The following NRG4 variants were observed in gnomAD, a reference collection of about 807,000 sequenced individuals.
NRG4 encodes pro-neuregulin-4, membrane-bound isoform.
In NRG4, 10 loss-of-function variants were observed where a neutral mutation model predicts 15.0. That is an observed-to-expected ratio of 0.67 (90% CI 0.41 to 1.13). The LOEUF is 1.13. Among genes scored for constraint, NRG4 ranks in the 50% most tolerant of loss-of-function variants. NRG4 has a pLI of 0.00. For synonymous variants in NRG4, 41 were observed against 50.1 expected, an observed-to-expected ratio of 0.82 and a Z score of 0.77; for missense variants, 139 against 140.2, an observed-to-expected ratio of 0.99 and a Z score of 0.04.
At chr15:76,016,889 A>G (rs531992623), upstream of NRG4, among the ~76,000 whole-genome samples, 107 of 151,710 alleles carry the variant, frequency 7.1e-4, no homozygotes, top group South Asian at 1.3e-3. Context: ...AATATCCTTA[A>G]TTTTCTTTCT....
At chr15:76,055,826 A>T (rs2036138386) in intron 2 of NRG4, among the ~76,000 whole-genome samples, 1 of 152,216 alleles carries the variant, frequency 6.6e-6, no homozygotes, top group Non-Finnish European at 1.5e-5. Context: ...ACTGGAAATA[A>T]AAAACAGACT....
At chr15:76,057,962 A>T (rs1452518912) in intron 1 of NRG4, among the ~76,000 whole-genome samples, 1 of 151,988 alleles carries the variant, frequency 6.6e-6, no homozygotes, top group Non-Finnish European at 1.5e-5. Context: ...TCCTGGTAGA[A>T]ATTTGAAGTG....
chr15:75,972,432 G>A (rs185191571), intron 3 of NRG4, among the ~76,000 whole-genome samples: 1 of 152,246 alleles, frequency 6.6e-6, no homozygotes, highest in Admixed American at 6.5e-5. Context: ...TTTTAGTCAC[G>A]AAGTCTTTGC....
chr15:76,042,656 G>C (rs2035772376), intron 4 of NRG4, among the ~76,000 whole-genome samples: 1 of 151,990 alleles, frequency 6.6e-6, no homozygotes, highest in Non-Finnish European at 1.5e-5. Context: ...TAAGATAGAA[G>C]CCATATTAAG....
chr15:75,969,959 T>C (rs2033016420), intron 3 of NRG4, among the ~76,000 whole-genome samples: 1 of 152,220 alleles, frequency 6.6e-6, no homozygotes, highest in Non-Finnish European at 1.5e-5. Flanking sequence ...GCATATGGTA[T>C]GGTGCCAAAA....
rs1161110080 is a variant in NRG4, at chr15:76,012,379, A to G, written c.-117T>C. 6.6e-6 allele frequency: 1 copy of G among 152,248 alleles called. No homozygotes were observed. The highest frequency in any genetic ancestry group is 1.5e-5 in the Non-Finnish European group (1 of 68,048). 9.4% of individuals were successfully genotyped at this position (152,248 alleles called of 1,614,324 possible). A position where few individuals can be genotyped will look rare whatever the true frequency, so the allele number is the denominator to read the frequency against. On this transcript the variant is annotated 5_prime_UTR_variant, in exon 1 of 6. Coordinates refer to ENST00000394907, the MANE Select transcript of NRG4 (RefSeq NM_138573.4). ...TGTTTCAAAAGTTTTTGAATACCGC[A>G]GACAACAGCAGCTGTGACTTGCATT...
At chr15:75,950,455 C>A in intron 5 of NRG4, 1 of 228,806 alleles carries the variant, frequency 4.4e-6, no homozygotes. Context: ...CAGATGGGGA[C>A]AGTCCCTCTG....
At chr15:75,946,281 C>T (rs2031498594) in intron 5 of NRG4, among the ~76,000 whole-genome samples, 1 of 152,198 alleles carries the variant, frequency 6.6e-6, no homozygotes, top group Non-Finnish European at 1.5e-5. Flanking sequence ...AAAGCTAAAC[C>T]ACCAATGAAG....
At chr15:76,034,986 C>G (rs2035565943) in intron 5 of NRG4, among the ~76,000 whole-genome samples, 1 of 152,208 alleles carries the variant, frequency 6.6e-6, no homozygotes, top group Non-Finnish European at 1.5e-5. Context: ...TTATAGCCTC[C>G]ATTTCCACAG....
intron 4 of NRG4, among the ~76,000 whole-genome samples, chr15:75,960,895 AATG>A (rs1284333212): frequency 7.2e-5 from 11 of 152,208 alleles, no homozygotes; most frequent in Non-Finnish European, 1.3e-4. Context: ...GGATTGCTTA[AATG>A]ATATGTTTTG....
chr15:76,050,724 G>A (rs1481784297), intron 4 of NRG4, among the ~76,000 whole-genome samples: 3 of 146,670 alleles, frequency 2.0e-5, no homozygotes, highest in Non-Finnish European at 4.5e-5. Context: ...GATTACAGGC[G>A]TAAGCCACCG....
At chr15:76,036,161 A>G (rs935030039) in intron 4 of NRG4, among the ~76,000 whole-genome samples, 1 of 152,198 alleles carries the variant, frequency 6.6e-6, no homozygotes, top group African/African-American at 2.4e-5. Context: ...TCTAAGACAA[A>G]AAGACTGAGT....
intron 5 of NRG4, among the ~76,000 whole-genome samples, chr15:75,953,614 T>C (rs2032042402): frequency 6.6e-6 from 1 of 152,260 alleles, no homozygotes; most frequent in East Asian, 1.9e-4. Flanking sequence ...AAATGCCTGC[T>C]GAAATCCTTA....
intron 4 of NRG4, chr15:75,959,062 G>C (rs1420124866): frequency 9.3e-6 from 3 of 323,718 alleles, no homozygotes; most frequent in African/African-American, 2.2e-5. Flanking sequence ...CTTAACTGCA[G>C]CCTCTCATTC....
chr15:75,961,911 T>G lies in NRG4; in HGVS notation c.168A>C (p.Gln56His), dbSNP rs759905568. 1.1e-5 allele frequency: 18 copies of G among 1,613,584 alleles called. No individual in the cohort carries two copies. Among genetic ancestry groups the G allele is most frequent in the Non-Finnish European group, 1.3e-5 (15 of 1,179,644 alleles). The change falls in exon 4 of 6, where the codon CAA (glutamine) becomes CAC (histidine). Residue 56 changes from glutamine (Q) to histidine (H), a missense_variant. By Grantham distance (24) the Gln-to-His change is conservative (BLOSUM62 0). Transcript: ENST00000394907. Reference protein sequence around the residue: ...EEVFLPGSSIQTKSNLFEAFV... With the variant: ...EEVFLPGSSIHTKSNLFEAFV... Reference sequence around the variant, plus strand: ...AAGCTTCAAACAGGTTACTTTTAGTTTGGATGCTGGAGCCTGGGAGAAAAA... The same window carrying G: ...AAGCTTCAAACAGGTTACTTTTAGTGTGGATGCTGGAGCCTGGGAGAAAAA...
At chr15:76,057,409 G>A (rs2036178851) in intron 1 of NRG4, among the ~76,000 whole-genome samples, 1 of 152,140 alleles carries the variant, frequency 6.6e-6, no homozygotes, top group Non-Finnish European at 1.5e-5. Context: ...AAGTGAAAGT[G>A]AGATCTGTGG....
At chr15:75,948,885 C>CA (rs374263508) in intron 5 of NRG4, among the ~76,000 whole-genome samples, 11 of 151,526 alleles carry the variant, frequency 7.3e-5, no homozygotes, top group Non-Finnish European at 1.2e-4. Context: ...CTTGTCTCTA[C>CA]AAAAAAAATG....
At chr15:76,025,308 G>A (rs908351230) in intron 5 of NRG4, among the ~76,000 whole-genome samples, 30 of 152,066 alleles carry the variant, frequency 2.0e-4, no homozygotes, top group African/African-American at 6.5e-4. Flanking sequence ...GCGTGGTGGC[G>A]GGCGCTTGTA....
intron 4 of NRG4, among the ~76,000 whole-genome samples, chr15:76,046,396 C>A (rs1032647517): frequency 1.3e-5 from 2 of 151,062 alleles, no homozygotes; most frequent in Non-Finnish European, 2.9e-5. Context: ...ATAGACAAAG[C>A]AATCCTGAGC....
Sources: gnomAD v4.1 joint callset for allele counts (sites outside exome capture counted in the v4.1 genomes callset) on GRCh38, gnomAD v4.1.1 for gene constraint, MANE v1.5 for transcripts, NCBI Gene and HGNC (gene_info 2026-07-23, HGNC 2026-07-21) for gene names.